Variants in SYN3 observed in about 807,000 individuals in gnomAD.
SYN3 encodes the protein synapsin III.
SYN3 carries 35 observed loss-of-function variants against 65.8 expected under a neutral mutation model. The observed-to-expected ratio is 0.53, with a 90% CI of 0.41 to 0.70. The LOEUF (loss-of-function observed/expected upper bound fraction) is 0.70, where lower values mean the gene tolerates loss of function less well. SYN3 is among the 30% of genes least tolerant of loss of function. The pLI is 0.00. For synonymous variants in SYN3, 270 were observed against 292.9 expected, an observed-to-expected ratio of 0.92 and a Z score of 0.80; for missense variants, 680 against 749.0, an observed-to-expected ratio of 0.91 and a Z score of 1.08.
In SYN3 at chr22:32,825,188, CTG is replaced by C. The variant is rs2047366263; in HGVS notation, c.711+39725_711+39726del. ...GGGTGAGCTCGTGGGAACTGAGAAA[CTG>C]TGTCTAGGGCTTCCTTAGTTATACT... is the stretch of plus-strand genomic sequence containing the variant. On this transcript the variant is annotated intron_variant, in intron 6 of 13. Coordinates refer to ENST00000358763, the MANE Select transcript of SYN3 (RefSeq NM_003490.4). 2.0e-5 allele frequency among the ~76,000 whole-genome samples: 3 copies of C among 152,118 alleles called. No homozygotes were observed. In the South Asian group the frequency reaches 6.2e-4, roughly 31 times the overall value.
intron 6 of SYN3, among the ~76,000 whole-genome samples, chr22:32,755,455 A>C (rs968339435): frequency 6.6e-6 from 1 of 152,198 alleles, no homozygotes; most frequent in South Asian, 2.1e-4. Flanking sequence ...GGCTCCCATG[A>C]TGATGGAGAA....
chr22:32,992,479 T>C (rs1176440346), intron 2 of SYN3, among the ~76,000 whole-genome samples: 1 of 152,180 alleles, frequency 6.6e-6, no homozygotes, highest in African/African-American at 2.4e-5. Context: ...ACAAGTCCTC[T>C]AGCTTGGGGG....
At chr22:32,684,327 G>A (rs891789299) in intron 6 of SYN3, among the ~76,000 whole-genome samples, 1 of 152,124 alleles carries the variant, frequency 6.6e-6, no homozygotes, top group Non-Finnish European at 1.5e-5. Context: ...GCAGAGAGAG[G>A]AGACAGAGAT....
chr22:32,805,097 GAA>G (rs1440962124), intron 6 of SYN3, among the ~76,000 whole-genome samples: 4 of 152,184 alleles, frequency 2.6e-5, no homozygotes, highest in Non-Finnish European at 5.9e-5. Context: ...TTGCAGCAGA[GAA>G]AGAGAATTTT....
chr22:32,798,340 T>C (rs758098677), intron 6 of SYN3, among the ~76,000 whole-genome samples: 87 of 152,214 alleles, frequency 5.7e-4, no homozygotes, highest in Non-Finnish European at 6.6e-4. Context: ...AGTACAAGCA[T>C]GGGCCACACC....
chr22:32,899,172 G>GT (rs1556003832), intron 4 of SYN3, among the ~76,000 whole-genome samples: 2 of 143,738 alleles, frequency 1.4e-5, no homozygotes, highest in Non-Finnish European at 3.1e-5. Flanking sequence ...ATTAACCAAG[G>GT]TAAGTTATGG....
At chr22:32,648,172 A>T (rs2060011055) in intron 6 of SYN3, among the ~76,000 whole-genome samples, 1 of 151,642 alleles carries the variant, frequency 6.6e-6, no homozygotes, top group Non-Finnish European at 1.5e-5. Context: ...AGCTTTTGAG[A>T]CTCTATTAAG....
chr22:32,852,396 G>C (rs990268451), intron 6 of SYN3, among the ~76,000 whole-genome samples: 1 of 152,190 alleles, frequency 6.6e-6, no homozygotes, highest in African/African-American at 2.4e-5. Flanking sequence ...CAGCAGTGTA[G>C]GGCTGGACTT....
At chr22:32,826,415 C>G (rs2047414219) in intron 6 of SYN3, among the ~76,000 whole-genome samples, 1 of 151,938 alleles carries the variant, frequency 6.6e-6, no homozygotes, top group African/African-American at 2.4e-5. Context: ...GGAGACAGAG[C>G]AAACTCCGTC....
At chr22:32,796,542 A>C (rs1412510289) in intron 6 of SYN3, among the ~76,000 whole-genome samples, 2 of 152,162 alleles carry the variant, frequency 1.3e-5, no homozygotes, top group Admixed American at 6.5e-5. Context: ...AGACACAGAG[A>C]GATCCTGCAG....
At chr22:32,992,286 T>C (rs1005329077) in intron 2 of SYN3, among the ~76,000 whole-genome samples, 2 of 152,212 alleles carry the variant, frequency 1.3e-5, no homozygotes, top group Non-Finnish European at 1.5e-5. Context: ...TTTTCCCAAA[T>C]GGGTAGCCCA....
chr22:32,878,170 C>T (rs556746097), intron 4 of SYN3, among the ~76,000 whole-genome samples: 1 of 152,260 alleles, frequency 6.6e-6, no homozygotes, highest in South Asian at 2.1e-4. Flanking sequence ...TCATCACCTC[C>T]AACTCAATGT....
Position 32,738,340 on chromosome 22 carries a change from C to T in SYN3, c.711+126575G>A, listed in dbSNP as rs7290620. Reference sequence around the variant, plus strand: ...ATGCCTGTTCCCATGAGTGTGAACACGATGTCACTAAGTAGAATGCAGACT... The same window carrying T: ...ATGCCTGTTCCCATGAGTGTGAACATGATGTCACTAAGTAGAATGCAGACT... On this transcript the variant is annotated intron_variant, in intron 6 of 13. Transcript: ENST00000358763. 8.4e-3 allele frequency among the ~76,000 whole-genome samples: 1,283 copies of T among 152,256 alleles called. 28 individuals carry two copies. Among genetic ancestry groups the T allele is most frequent in the African/African-American group, 0.029 (1,224 of 41,532 alleles).
At chr22:32,831,397 T>C (rs1024529054) in intron 6 of SYN3, among the ~76,000 whole-genome samples, 1 of 152,128 alleles carries the variant, frequency 6.6e-6, no homozygotes, top group African/African-American at 2.4e-5. Context: ...CTGAAGAGTC[T>C]ACTTGTCTGT....
intron 6 of SYN3, among the ~76,000 whole-genome samples, chr22:32,734,096 G>A (rs1047138847): frequency 6.6e-6 from 1 of 152,174 alleles, no homozygotes; most frequent in Non-Finnish European, 1.5e-5. Context: ...AAGCAGCTGA[G>A]TCTGCTGCTT....
At chr22:32,987,619 C>T (rs904586465) in intron 2 of SYN3, among the ~76,000 whole-genome samples, 9 of 152,180 alleles carry the variant, frequency 5.9e-5, no homozygotes, top group South Asian at 2.1e-4. Flanking sequence ...TGGGGATCTG[C>T]GGAGGCAAAA....
At chr22:32,623,265 C>T (rs921433034) in intron 6 of SYN3, among the ~76,000 whole-genome samples, 1 of 151,892 alleles carries the variant, frequency 6.6e-6, no homozygotes, top group Non-Finnish European at 1.5e-5. Flanking sequence ...TTACTCACTT[C>T]AGTCTTAAAC....
intron 7 of SYN3, among the ~76,000 whole-genome samples, chr22:32,559,817 G>A (rs1159160622): frequency 3.4e-5 from 5 of 145,762 alleles, no homozygotes; most frequent in Non-Finnish European, 7.5e-5. Context: ...GAGACAGAGC[G>A]AGACTCCGTC....
At chr22:33,057,311 G>C (rs936717279) in intron 1 of SYN3, among the ~76,000 whole-genome samples, 2 of 152,170 alleles carry the variant, frequency 1.3e-5, no homozygotes, top group Non-Finnish European at 2.9e-5. Context: ...GCAGGTTTTA[G>C]CTTCCTGCCA....
Sources: allele counts gnomAD v4.1 joint callset (sites outside exome capture counted in the v4.1 genomes callset), GRCh38; gene constraint gnomAD v4.1.1; transcripts MANE v1.5; gene names NCBI Gene and HGNC (gene_info 2026-07-23, HGNC 2026-07-21).